The following DPP10 variants were observed in gnomAD, a reference collection of about 807,000 sequenced individuals.
DPP10 encodes dipeptidyl peptidase like 10, also known as inactive dipeptidyl peptidase 10.
DPP10 carries 33 observed loss-of-function variants against 120.9 expected under a neutral mutation model. The observed-to-expected ratio is 0.27, with a 90% CI of 0.21 to 0.37. The LOEUF (loss-of-function observed/expected upper bound fraction) is 0.37. Among genes scored for constraint, DPP10 ranks in the 10% least tolerant of loss-of-function variants. DPP10 has a pLI of 1.00. For synonymous variants in DPP10, 337 were observed against 326.1 expected (o/e 1.03, Z -0.36); for missense variants, 816 against 942.8 (o/e 0.87, Z 1.76).
intron 1 of DPP10, among the ~76,000 whole-genome samples, chr2:115,147,208 A>G (rs1191448517): frequency 1.3e-5 from 2 of 151,472 alleles, no homozygotes; most frequent in Non-Finnish European, 2.9e-5. Flanking sequence ...TATATATGCT[A>G]TACCATAGTA....
chr2:115,383,382 G>C (rs530675171), intron 3 of DPP10, among the ~76,000 whole-genome samples: 1 of 152,298 alleles, frequency 6.6e-6, no homozygotes. Flanking sequence ...TTTCTGCCAT[G>C]ATTGTGAGTC....
intron 1 of DPP10, among the ~76,000 whole-genome samples, chr2:115,108,325 A>T (rs1378043767): frequency 6.6e-6 from 1 of 152,236 alleles, no homozygotes; most frequent in East Asian, 1.9e-4. Context: ...TTGAACAGCC[A>T]TATATAAACC....
At chr2:114,841,948 A>G (rs1244709174) in intron 1 of DPP10, among the ~76,000 whole-genome samples, 1 of 152,118 alleles carries the variant, frequency 6.6e-6, no homozygotes, top group African/African-American at 2.4e-5. Context: ...AAACAGTTGT[A>G]CCACTTCCTT....
chr2:114,629,338 G>A lies in DPP10; in HGVS notation c.60+186500G>A, dbSNP rs142817508. 4.4e-3 allele frequency among the ~76,000 whole-genome samples: 668 copies of A among 152,196 alleles called. 5 individuals carry two copies. Among genetic ancestry groups the A allele is most frequent in the African/African-American group, 0.015 (633 of 41,550 alleles). On this transcript the variant is annotated intron_variant, in intron 1 of 25. Coordinates refer to ENST00000410059, the MANE Select transcript of DPP10 (RefSeq NM_020868.6). ...TGGGACTTATTGATTACAGAAAAACGTTTGGCTCATTCAAAATCAAAGTGA... is the reference window on the plus strand; with the variant it reads ...TGGGACTTATTGATTACAGAAAAACATTTGGCTCATTCAAAATCAAAGTGA...
intron 1 of DPP10, among the ~76,000 whole-genome samples, chr2:115,213,778 G>T (rs924319568): frequency 6.6e-6 from 1 of 152,034 alleles, no homozygotes; most frequent in African/African-American, 2.4e-5. Flanking sequence ...TGACTGGCAG[G>T]TATCTGATTC....
At chr2:115,215,725 G>A (rs2056780882) in intron 1 of DPP10, among the ~76,000 whole-genome samples, 2 of 152,080 alleles carry the variant, frequency 1.3e-5, no homozygotes, top group South Asian at 2.1e-4. Flanking sequence ...ACCAAAAATA[G>A]AATTATCATA....
intron 1 of DPP10, among the ~76,000 whole-genome samples, chr2:114,506,092 T>A (rs1336677129): frequency 6.6e-6 from 1 of 152,204 alleles, no homozygotes; most frequent in East Asian, 1.9e-4. Flanking sequence ...ACCTCAAGCC[T>A]GAAACCACAG....
At chr2:115,305,915 A>G (rs1441416666) in intron 1 of DPP10, among the ~76,000 whole-genome samples, 1 of 152,038 alleles carries the variant, frequency 6.6e-6, no homozygotes, top group African/African-American at 2.4e-5. Context: ...TCATTCATTC[A>G]TGACATAATG....
intron 5 of DPP10, among the ~76,000 whole-genome samples, chr2:115,544,899 G>A (rs1207413039): frequency 1.3e-5 from 2 of 152,042 alleles, no homozygotes; most frequent in African/African-American, 4.8e-5. Context: ...GTTAAATACA[G>A]AAAAGAGGCT....
chr2:115,696,779 A>G (rs2091615872), intron 7 of DPP10, among the ~76,000 whole-genome samples: 1 of 152,212 alleles, frequency 6.6e-6, no homozygotes, highest in Non-Finnish European at 1.5e-5. Flanking sequence ...AAAAGCTAAG[A>G]TATTTAAAAT....
intron 1 of DPP10, among the ~76,000 whole-genome samples, chr2:114,634,086 C>T (rs891906463): frequency 6.6e-6 from 1 of 151,898 alleles, no homozygotes; most frequent in Non-Finnish European, 1.5e-5. Flanking sequence ...AGAGGTAATA[C>T]TGTCTTCAAC....
chr2:115,633,164 A>G (rs1427718856), intron 5 of DPP10, among the ~76,000 whole-genome samples: 1 of 152,220 alleles, frequency 6.6e-6, no homozygotes, highest in Admixed American at 6.5e-5. Flanking sequence ...CACAATAGCA[A>G]AGACTTGGAA....
chr2:114,802,515 C>G (rs1001857698), intron 1 of DPP10, among the ~76,000 whole-genome samples: 1 of 87,150 alleles, frequency 1.1e-5, no homozygotes, highest in African/African-American at 4.3e-5. Context: ...TCTGGAATAA[C>G]CCACAGACAT....
At chr2:115,816,862 G>T (rs1411670039) in intron 21 of DPP10, among the ~76,000 whole-genome samples, 1 of 150,522 alleles carries the variant, frequency 6.6e-6, no homozygotes, top group Non-Finnish European at 1.5e-5. Context: ...TGATCCGCCT[G>T]CCTTGGCCTC....
intron 1 of DPP10, among the ~76,000 whole-genome samples, chr2:115,150,211 G>A (rs768919113): frequency 1.3e-5 from 2 of 152,140 alleles, no homozygotes; most frequent in African/African-American, 2.4e-5. Context: ...TATCTCTGCC[G>A]CCTGCACTCA....
intron 1 of DPP10, among the ~76,000 whole-genome samples, chr2:114,834,250 A>T (rs1413597146): frequency 2.8e-4 from 42 of 150,732 alleles, no homozygotes; most frequent in South Asian, 8.4e-4. Context: ...ACACCTATGT[A>T]TATATAAGAC....
intron 5 of DPP10, among the ~76,000 whole-genome samples, chr2:115,590,598 T>C (rs1332725918): frequency 6.6e-6 from 1 of 152,236 alleles, no homozygotes; most frequent in Non-Finnish European, 1.5e-5. Flanking sequence ...TCCAAGTCTT[T>C]GCTATTGCAA....
intron 5 of DPP10, among the ~76,000 whole-genome samples, chr2:115,655,053 G>C (rs776677529): frequency 2.6e-5 from 4 of 151,184 alleles, no homozygotes; most frequent in Non-Finnish European, 5.9e-5. Flanking sequence ...GTGTATACTT[G>C]GAAAAAAAAT....
At chr2:115,735,840 T>C (rs1676425256) in intron 8 of DPP10, among the ~76,000 whole-genome samples, 1 of 151,796 alleles carries the variant, frequency 6.6e-6, no homozygotes, top group Non-Finnish European at 1.5e-5. Flanking sequence ...GCCCCATCCT[T>C]TTGTTAATTA....
Sources: gnomAD v4.1 joint callset for allele counts (sites outside exome capture counted in the v4.1 genomes callset) on GRCh38, gnomAD v4.1.1 for gene constraint, MANE v1.5 for transcripts, NCBI Gene and HGNC (gene_info 2026-07-23, HGNC 2026-07-21) for gene names.